RBFOX1: variants seen among roughly 807,000 people sequenced by gnomAD.
RBFOX1 encodes the protein RNA binding protein fox-1 homolog 1.
A neutral mutation model predicts 57.7 loss-of-function variants in RBFOX1; 8 were observed. The ratio of observed to expected loss-of-function variants is 0.14; its 90% CI spans 0.08 to 0.25. The LOEUF (loss-of-function observed/expected upper bound fraction) is 0.25. Ranked by LOEUF, RBFOX1 falls within the 10% of genes least tolerant of loss-of-function variation. The pLI, the probability that RBFOX1 is intolerant of heterozygous loss-of-function variation, is 1.00. For synonymous variants in RBFOX1, 326 were observed against 222.4 expected (o/e 1.47, Z -4.15); for missense variants, 611 against 548.5 (o/e 1.11, Z -1.14).
At chr16:7,434,174 T>C (rs1193761727) in intron 4 of RBFOX1, among the ~76,000 whole-genome samples, 1 of 151,618 alleles carries the variant, frequency 6.6e-6, no homozygotes, top group African/African-American at 2.4e-5. Context: ...TGTGGTGGTA[T>C]AAGAGATGAA....
chr16:5,412,532 C>T (rs937179758), intron 1 of RBFOX1, among the ~76,000 whole-genome samples: 3 of 152,126 alleles, frequency 2.0e-5, no homozygotes, highest in African/African-American at 7.2e-5. Flanking sequence ...CACAGGTACA[C>T]AGATTTGTTT....
At chr16:7,016,466 G>T (rs748291754) in intron 3 of RBFOX1, among the ~76,000 whole-genome samples, 1 of 152,114 alleles carries the variant, frequency 6.6e-6, no homozygotes, top group Non-Finnish European at 1.5e-5. Context: ...GTTTCGGGAC[G>T]TAACCTAAGT....
intron 3 of RBFOX1, among the ~76,000 whole-genome samples, chr16:5,688,479 C>T (rs1241128631): frequency 6.6e-6 from 1 of 152,172 alleles, no homozygotes; most frequent in Admixed American, 6.5e-5. Flanking sequence ...TTGAACGATG[C>T]ATTTCCTATT....
At chr16:5,283,874 G>A (rs1213047176) in intron 1 of RBFOX1, among the ~76,000 whole-genome samples, 1 of 151,986 alleles carries the variant, frequency 6.6e-6, no homozygotes, top group Non-Finnish European at 1.5e-5. Flanking sequence ...GGGACTGTTG[G>A]GAAGGCATGA....
At chr16:7,128,523 G>C (rs772449819) in intron 4 of RBFOX1, among the ~76,000 whole-genome samples, 4 of 152,158 alleles carry the variant, frequency 2.6e-5, no homozygotes, top group Non-Finnish European at 4.4e-5. Flanking sequence ...AGCTAGCCTG[G>C]TTCACTTAGT....
chr16:6,601,101 G>T (rs527379448), intron 2 of RBFOX1, among the ~76,000 whole-genome samples: 1 of 152,190 alleles, frequency 6.6e-6, no homozygotes, highest in Non-Finnish European at 1.5e-5. Context: ...ACAGCTTAGG[G>T]ATTTAAGTAA....
chr16:7,438,760 C>G (rs191738268), intron 4 of RBFOX1, among the ~76,000 whole-genome samples: 1 of 152,206 alleles, frequency 6.6e-6, no homozygotes, highest in Non-Finnish European at 1.5e-5. Flanking sequence ...TCCCTTTGCA[C>G]CACAGTGAGC....
At chr16:5,640,874 A>G (rs7342807) in intron 3 of RBFOX1, among the ~76,000 whole-genome samples, 142,906 of 145,758 alleles carry the variant, frequency 0.98, 70,060 homozygotes, top group East Asian at 1. Context: ...ACACACACAC[A>G]CACACCATGC....
chr16:6,991,563 G>A (rs928568329), intron 3 of RBFOX1, among the ~76,000 whole-genome samples: 1 of 152,064 alleles, frequency 6.6e-6, no homozygotes, highest in Non-Finnish European at 1.5e-5. Flanking sequence ...TTGAGATGGG[G>A]TCCCACTCTG....
intron 2 of RBFOX1, among the ~76,000 whole-genome samples, chr16:6,621,639 T>G (rs909458549): frequency 1.3e-5 from 2 of 152,184 alleles, no homozygotes; most frequent in African/African-American, 4.8e-5. Flanking sequence ...GGGGGCACAT[T>G]GTAATTGACT....
chr16:5,615,889 G>T (rs542010049), intron 3 of RBFOX1, among the ~76,000 whole-genome samples: 2 of 152,064 alleles, frequency 1.3e-5, no homozygotes, highest in African/African-American at 4.8e-5. Flanking sequence ...TTGTGGCACC[G>T]CTGTTCAGTG....
At chr16:6,411,434 A>G (rs2093455671) in intron 2 of RBFOX1, among the ~76,000 whole-genome samples, 1 of 152,206 alleles carries the variant, frequency 6.6e-6, no homozygotes. Context: ...TTGATTCTTC[A>G]TCTATCTTCC....
At chr16:7,532,542 A>G (rs1025351789) in intron 5 of RBFOX1, among the ~76,000 whole-genome samples, 1 of 152,200 alleles carries the variant, frequency 6.6e-6, no homozygotes, top group South Asian at 2.1e-4. Context: ...GGCGTTGGCC[A>G]TCTTTCTCCT....
At chr16:6,584,978 C>T in intron 2 of RBFOX1, among the ~76,000 whole-genome samples, 1 of 152,152 alleles carries the variant, frequency 6.6e-6, no homozygotes, top group East Asian at 1.9e-4. Flanking sequence ...GGGAATCAGG[C>T]AAAAGGATGC....
chr16:6,028,037 C>T (rs1382167710), intron 1 of RBFOX1, among the ~76,000 whole-genome samples: 2 of 152,182 alleles, frequency 1.3e-5, no homozygotes, highest in Admixed American at 1.3e-4. Flanking sequence ...AACAGTAGCC[C>T]TGGCTAGATC....
chr16:7,407,170 G>A (rs72771135), intron 4 of RBFOX1, among the ~76,000 whole-genome samples: 41,145 of 152,022 alleles, frequency 0.27, 7,082 homozygotes, highest in East Asian at 0.68. Flanking sequence ...CACCAGAGCA[G>A]TATACACTGA....
At position 7,571,783 on chromosome 16, in the gene RBFOX1, T is replaced by C. The variant is rs897978120; in HGVS notation, c.271-7994T>C. On this transcript the variant is annotated intron_variant, in intron 5 of 15. Coordinates refer to ENST00000550418, the MANE Select transcript of RBFOX1 (RefSeq NM_018723.4). ...CATCTGTGTAGGGTCCTGCAGCCTT[T>C]CCTGTTTGATGGGGAGGCTGCGTCT... is the stretch of plus-strand genomic sequence containing the variant. Among the ~76,000 whole-genome samples, 12 of 152,070 alleles carry C rather than the reference T, an allele frequency of 7.9e-5. No homozygotes were observed. The East Asian group carries it at 2.1e-3, about 27-fold the overall frequency.
intron 1 of RBFOX1, among the ~76,000 whole-genome samples, chr16:5,242,002 G>A (rs1436969491): frequency 1.3e-5 from 2 of 151,972 alleles, no homozygotes; most frequent in African/African-American, 4.8e-5. Context: ...GCAGTCCCAA[G>A]TACTTGGGAG....
chr16:7,136,458 G>C (rs2072005303), intron 4 of RBFOX1, among the ~76,000 whole-genome samples: 1 of 149,564 alleles, frequency 6.7e-6, no homozygotes, highest in Admixed American at 6.7e-5. Flanking sequence ...CCAGGCTGGA[G>C]GGCAGTGGTG....
Sources: allele counts gnomAD v4.1 joint callset (sites outside exome capture counted in the v4.1 genomes callset), GRCh38; gene constraint gnomAD v4.1.1; transcripts MANE v1.5; gene names NCBI Gene and HGNC (gene_info 2026-07-23, HGNC 2026-07-21).